COG5: variants seen among roughly 807,000 people sequenced by gnomAD.
The protein encoded by COG5 is component of oligomeric golgi complex 5.
In COG5, 86 loss-of-function variants were observed where a neutral mutation model predicts 110.4. The observed-to-expected ratio is 0.78, with a 90% CI of 0.65 to 0.93. The LOEUF (loss-of-function observed/expected upper bound fraction) is 0.93, where lower values mean the gene tolerates loss of function less well. Among genes scored for constraint, COG5 ranks in the 40% least tolerant of loss-of-function variants. COG5 has a pLI of 0.00. For missense variants in COG5, 1,077 were observed against 987.0 expected (o/e 1.09, Z -1.22); for synonymous variants, 360 against 334.6 (o/e 1.08, Z -0.83).
intron 6 of COG5, among the ~76,000 whole-genome samples, chr7:107,427,540 T>C (rs2129077201): frequency 6.6e-6 from 1 of 152,152 alleles, no homozygotes; most frequent in East Asian, 1.9e-4. Context: ...TGACTTTACT[T>C]GGAAGCAGGG....
At chr7:107,435,223 C>T (rs1361513419) in intron 6 of COG5, among the ~76,000 whole-genome samples, 1 of 152,040 alleles carries the variant, frequency 6.6e-6, no homozygotes, top group Non-Finnish European at 1.5e-5. Context: ...TTCTGGGAAT[C>T]TGTTCTACAA....
chr7:107,538,173 T>C (rs1801726280), intron 5 of COG5, among the ~76,000 whole-genome samples: 1 of 152,124 alleles, frequency 6.6e-6, no homozygotes, highest in Non-Finnish European at 1.5e-5. Flanking sequence ...ACATGTACAG[T>C]AAAGAAGCAG....
At chr7:107,335,713 C>T (rs1269379535) in intron 10 of COG5, among the ~76,000 whole-genome samples, 3 of 152,168 alleles carry the variant, frequency 2.0e-5, no homozygotes, top group Non-Finnish European at 4.4e-5. Flanking sequence ...CAACTATACA[C>T]TGCCTGCAAG....
Position 107,474,966 on chromosome 7 carries a change from T to G in COG5, c.538+52271A>C, listed in dbSNP as rs1359243445. 1 of 1,612,314 alleles carries G rather than the reference T, an allele frequency of 6.2e-7. No individual in the cohort carries two copies. The highest frequency in any genetic ancestry group is 1.3e-5 in the African/African-American group (1 of 74,748). On this transcript the variant is annotated intron_variant, in intron 6 of 21. Transcript: ENST00000297135. The surrounding 1 kb of genome is among the most constrained non-coding windows in gnomAD (Gnocchi z 5.7). ...TCCGGCGAGCTGTGAAACGACACCG[T>G]GAACGACGAGAAAGACAAAAGAGAG...
chr7:107,280,637 T>C (rs1258489264), intron 14 of COG5, among the ~76,000 whole-genome samples: 1 of 152,066 alleles, frequency 6.6e-6, no homozygotes, highest in Non-Finnish European at 1.5e-5. Flanking sequence ...AGTCTCATTT[T>C]GTTTGGATTT....
intron 10 of COG5, among the ~76,000 whole-genome samples, chr7:107,331,245 ATCACGAGG>A (rs1810212553): frequency 6.6e-6 from 1 of 152,046 alleles, no homozygotes; most frequent in African/African-American, 2.4e-5. Context: ...GGAGGCCGAG[ATCACGAGG>A]TCAGGAGATC....
intron 10 of COG5, among the ~76,000 whole-genome samples, chr7:107,338,191 T>A (rs1277059732): frequency 6.6e-6 from 1 of 152,104 alleles, no homozygotes; most frequent in Non-Finnish European, 1.5e-5. Flanking sequence ...ACCTCAAATA[T>A]CTTTTTTGAG....
intron 11 of COG5, among the ~76,000 whole-genome samples, chr7:107,310,723 G>A (rs1276137619): frequency 6.6e-6 from 1 of 152,134 alleles, no homozygotes; most frequent in Non-Finnish European, 1.5e-5. Context: ...AGTCATTAGG[G>A]AGCAGGTGCT....
chr7:107,204,513 A>G (rs74439338), intron 21 of COG5, among the ~76,000 whole-genome samples: 5,283 of 152,288 alleles, frequency 0.035, 324 homozygotes, highest in African/African-American at 0.12. Context: ...CATTTTTGTC[A>G]TATTTTCTTC....
At chr7:107,208,351 T>C in intron 21 of COG5, 1 of 985,420 alleles carries the variant, frequency 1.0e-6, no homozygotes, top group Non-Finnish European at 1.2e-6. Context: ...CAGGAGACAT[T>C]TTTAAAGAGA....
intron 17 of COG5, among the ~76,000 whole-genome samples, chr7:107,238,621 T>C (rs997344567): frequency 1.3e-5 from 2 of 152,234 alleles, no homozygotes; most frequent in Non-Finnish European, 2.9e-5. Flanking sequence ...AACCACAGTA[T>C]ACAAGGGTTC....
intron 6 of COG5, among the ~76,000 whole-genome samples, chr7:107,500,140 A>G (rs534837041): frequency 2.0e-5 from 3 of 152,328 alleles, no homozygotes; most frequent in African/African-American, 7.2e-5. Flanking sequence ...TACACTGAAT[A>G]TAGATCCACG....
chr7:107,362,330 T>C lies in COG5; in HGVS notation c.926A>G (p.His309Arg). Residue 309 changes from histidine to arginine, a missense_variant, in exon 9 of 22, where the codon CAT (histidine) becomes CGT (arginine). Physicochemically the swap from His to Arg is conservative, Grantham distance 29. Coordinates refer to ENST00000297135, the MANE Select transcript of COG5 (RefSeq NM_006348.5). Reference sequence around the variant, plus strand: ...TACCTGTCCACAAACAGCATAAATATGATCCATAAGTTTCTCCATATTGGT... The same window carrying C: ...TACCTGTCCACAAACAGCATAAATACGATCCATAAGTTTCTCCATATTGGT... ...FWTNMEKLMDHIYAVCGQVQH... is the reference protein window; with the variant it reads ...FWTNMEKLMDRIYAVCGQVQH... 1.2e-6 allele frequency: 2 copies of C among 1,610,548 alleles called. No individual in the cohort carries two copies. The highest frequency in any genetic ancestry group is 2.7e-5 in the African/African-American group (2 of 74,916).
At chr7:107,394,916 T>C (rs1332860157) in intron 7 of COG5, among the ~76,000 whole-genome samples, 1 of 152,178 alleles carries the variant, frequency 6.6e-6, no homozygotes, top group East Asian at 1.9e-4. Context: ...CTTTTTTAAG[T>C]GTTTCGTCTA....
At chr7:107,435,374 C>T (rs1794301535) in intron 6 of COG5, among the ~76,000 whole-genome samples, 1 of 151,636 alleles carries the variant, frequency 6.6e-6, no homozygotes, top group Admixed American at 6.6e-5. Context: ...GAAATCTGGC[C>T]AGGCGCGGTG....
chr7:107,342,080 A>C (rs1811209557), intron 10 of COG5, among the ~76,000 whole-genome samples: 1 of 152,184 alleles, frequency 6.6e-6, no homozygotes, highest in South Asian at 2.1e-4. Flanking sequence ...CAAAAGAGTA[A>C]ACCAACAACC....
chr7:107,233,151 T>G (rs1395981274), intron 18 of COG5, among the ~76,000 whole-genome samples: 1 of 152,024 alleles, frequency 6.6e-6, no homozygotes, highest in Non-Finnish European at 1.5e-5. Context: ...CTAAATAATT[T>G]AATACCAACT....
At chr7:107,543,547 T>C (rs1802205064) in intron 5 of COG5, among the ~76,000 whole-genome samples, 1 of 152,054 alleles carries the variant, frequency 6.6e-6, no homozygotes, top group Non-Finnish European at 1.5e-5. Context: ...CAACTCAGGC[T>C]CCAGGCCCAA....
chr7:107,285,549 G>A (rs1009334983), intron 12 of COG5, among the ~76,000 whole-genome samples: 1 of 152,048 alleles, frequency 6.6e-6, no homozygotes, highest in African/African-American at 2.4e-5. Flanking sequence ...TCATCACTTT[G>A]AACTGCTCCA....
Sources: gnomAD v4.1 joint callset for allele counts (sites outside exome capture counted in the v4.1 genomes callset) on GRCh38, gnomAD v4.1.1 for gene constraint, Gnocchi (gnomAD v3.1) non-coding constraint, MANE v1.5 for transcripts, NCBI Gene and HGNC (gene_info 2026-07-23, HGNC 2026-07-21) for gene names.